The following ROBO2 variants were observed in gnomAD, a reference collection of about 807,000 sequenced individuals.
ROBO2 encodes the protein roundabout homolog 2.
In ROBO2, 53 loss-of-function variants were observed where a neutral mutation model predicts 160.8. That is an observed-to-expected ratio of 0.33 (90% CI 0.26 to 0.41). The LOEUF is 0.41. ROBO2 is among the 10% of genes least tolerant of loss of function. ROBO2 has a pLI of 1.00. For synonymous variants in ROBO2, 664 were observed against 611.7 expected (o/e 1.09, Z -1.26); for missense variants, 1,577 against 1,722.4 (o/e 0.92, Z 1.49).
Position 76,272,296 on chromosome 3 carries a change from T to A in ROBO2, c.109+334694T>A, listed in dbSNP as rs1160594873. Among the ~76,000 whole-genome samples, 3 of 152,034 alleles carry A rather than the reference T, an allele frequency of 2.0e-5. No individual in the cohort carries two copies. In the East Asian group the frequency reaches 5.8e-4, roughly 29 times the overall value. On this transcript the variant is annotated intron_variant, in intron 2 of 26. Coordinates refer to the ROBO2 transcript ENST00000487694. ...CGAAATTCATAGCTTATATAATAAATATAGGTGAGGAAAGAAGAGTTAAAA... is the reference window on the plus strand; with the variant it reads ...CGAAATTCATAGCTTATATAATAAAAATAGGTGAGGAAAGAAGAGTTAAAA...
chr3:77,369,129 C>T (rs182544168), intron 2 of ROBO2, among the ~76,000 whole-genome samples: 60 of 152,246 alleles, frequency 3.9e-4, no homozygotes, highest in African/African-American at 1.3e-3. Context: ...GCCTCTTGAT[C>T]GTGGCCAAAG....
intron 2 of ROBO2, among the ~76,000 whole-genome samples, chr3:77,475,870 T>C (rs2083935324): frequency 6.6e-6 from 1 of 152,182 alleles, no homozygotes; most frequent in Non-Finnish European, 1.5e-5. Context: ...AATCACACCT[T>C]TCTTGCCAGT....
chr3:77,371,558 C>A (rs975481003), intron 2 of ROBO2, among the ~76,000 whole-genome samples: 15 of 152,172 alleles, frequency 9.9e-5, no homozygotes, highest in African/African-American at 3.4e-4. Context: ...TAGTACTCAG[C>A]ATACACATAA....
At chr3:76,640,102 C>T (rs949425518) in intron 2 of ROBO2, among the ~76,000 whole-genome samples, 6 of 152,112 alleles carry the variant, frequency 3.9e-5, no homozygotes, top group Middle Eastern at 6.3e-3. Flanking sequence ...ATATACGATA[C>T]GATGAGAGCC....
At chr3:76,530,206 C>T (rs984320176) in intron 2 of ROBO2, among the ~76,000 whole-genome samples, 8 of 152,142 alleles carry the variant, frequency 5.3e-5, no homozygotes, top group African/African-American at 4.8e-5. Flanking sequence ...GTGCTGGTGG[C>T]GATTCTTTAA....
intron 2 of ROBO2, among the ~76,000 whole-genome samples, chr3:76,495,530 C>T (rs752977753): frequency 2.0e-5 from 3 of 151,890 alleles, no homozygotes; most frequent in Non-Finnish European, 4.4e-5. Flanking sequence ...ATCAATCTTT[C>T]TCCATTCTAG....
chr3:76,099,199 T>A lies in ROBO2; in HGVS notation c.109+161597T>A, dbSNP rs547022291. Reference sequence around the variant, plus strand: ...CCAAGACAGATGTGAGTTTAGCCGTTCCTTTTCTCCTCTTCTATCTCTCTC... The same window carrying A: ...CCAAGACAGATGTGAGTTTAGCCGTACCTTTTCTCCTCTTCTATCTCTCTC... On this transcript the variant is annotated intron_variant, in intron 2 of 26. Coordinates refer to the ROBO2 transcript ENST00000487694. 3.9e-5 allele frequency among the ~76,000 whole-genome samples: 6 copies of A among 152,266 alleles called. No homozygotes were observed. The East Asian group carries it at 1.2e-3, about 29-fold the overall frequency.
chr3:76,611,097 G>A (rs1030908720), intron 2 of ROBO2, among the ~76,000 whole-genome samples: 4 of 152,218 alleles, frequency 2.6e-5, no homozygotes, highest in African/African-American at 7.2e-5. Flanking sequence ...ACCACCATTC[G>A]ATTGATTAAA....
At chr3:75,991,971 T>A (rs1437294624) in intron 2 of ROBO2, among the ~76,000 whole-genome samples, 1 of 152,072 alleles carries the variant, frequency 6.6e-6, no homozygotes, top group East Asian at 1.9e-4. Flanking sequence ...TGATTTAGAG[T>A]ATCTGGTGGA....
intron 2 of ROBO2, among the ~76,000 whole-genome samples, chr3:76,720,944 A>G (rs1028198657): frequency 1.3e-5 from 2 of 152,234 alleles, no homozygotes; most frequent in African/African-American, 4.8e-5. Context: ...ACACACAAAA[A>G]TATCCCAAGT....
chr3:77,123,743 T>TAG (rs1553782160), intron 2 of ROBO2, among the ~76,000 whole-genome samples: 1 of 147,618 alleles, frequency 6.8e-6, no homozygotes, highest in Non-Finnish European at 1.5e-5. Flanking sequence ...TATCTAGATA[T>TAG]ATAATCTATA....
At chr3:76,482,107 A>C (rs1450040787) in intron 2 of ROBO2, among the ~76,000 whole-genome samples, 1 of 152,008 alleles carries the variant, frequency 6.6e-6, no homozygotes, top group African/African-American at 2.4e-5. Context: ...CCCCTGCCAA[A>C]CCACCCACTT....
At chr3:76,822,282 G>A (rs2066188727) in intron 2 of ROBO2, among the ~76,000 whole-genome samples, 1 of 151,920 alleles carries the variant, frequency 6.6e-6, no homozygotes, top group Admixed American at 6.6e-5. Context: ...TAAATTCCTG[G>A]TTCCTAGTAC....
chr3:76,079,860 A>G (rs1318083817), intron 2 of ROBO2, among the ~76,000 whole-genome samples: 1 of 152,190 alleles, frequency 6.6e-6, no homozygotes, highest in Non-Finnish European at 1.5e-5. Context: ...AAGAAGGAAG[A>G]AAGAAATTTC....
At chr3:77,619,638 T>C (rs1583321841) in intron 22 of ROBO2, among the ~76,000 whole-genome samples, 1 of 152,142 alleles carries the variant, frequency 6.6e-6, no homozygotes, top group Admixed American at 6.5e-5. Flanking sequence ...CATTGTTGAC[T>C]ACCCATATGG....
chr3:77,610,500 G>A (rs2094606521), intron 21 of ROBO2, among the ~76,000 whole-genome samples: 2 of 151,986 alleles, frequency 1.3e-5, no homozygotes, highest in African/African-American at 4.8e-5. Flanking sequence ...CCAGGGGAAA[G>A]CTTGTAGAAG....
intron 5 of ROBO2, among the ~76,000 whole-genome samples, chr3:77,497,499 G>A (rs574575982): frequency 1.3e-5 from 2 of 152,240 alleles, no homozygotes; most frequent in South Asian, 4.1e-4. Flanking sequence ...AACAAGGTAA[G>A]TTAACTGTTA....
rs560133157 is a variant in ROBO2 at position 76,958,772 on chromosome 3, C to T, written c.110-139242C>T. On this transcript the variant is annotated intron_variant, in intron 2 of 26. Transcript: ENST00000487694. ...ATGAAGTTTAAATATAAAGCCAATGCGAGAGGCAAAAACAAAACAAAACAA... is the reference window on the plus strand; with the variant it reads ...ATGAAGTTTAAATATAAAGCCAATGTGAGAGGCAAAAACAAAACAAAACAA... Among the ~76,000 whole-genome samples, 17 of 150,168 alleles carry T rather than the reference C, an allele frequency of 1.1e-4. No individual in the cohort carries two copies. In the South Asian group the frequency reaches 3.4e-3, roughly 30 times the overall value.
At chr3:76,114,229 C>G (rs931453688) in intron 2 of ROBO2, among the ~76,000 whole-genome samples, 1 of 152,146 alleles carries the variant, frequency 6.6e-6, no homozygotes, top group African/African-American at 2.4e-5. Flanking sequence ...GAGACACATT[C>G]AAGCCACAGC....
Sources: allele counts gnomAD v4.1 joint callset (sites outside exome capture counted in the v4.1 genomes callset), GRCh38; gene constraint gnomAD v4.1.1; transcripts MANE v1.5; gene names NCBI Gene and HGNC (gene_info 2026-07-23, HGNC 2026-07-21).